The following KIAA1671 variants were observed in gnomAD, a reference collection of about 807,000 sequenced individuals.
KIAA1671 encodes the protein KIAA1671.
Under a neutral mutation model 131.2 loss-of-function variants are expected in KIAA1671, and 52 were observed. That is an observed-to-expected ratio of 0.40 (90% CI 0.32 to 0.50). The LOEUF is 0.50. Among genes scored for constraint, KIAA1671 ranks in the 20% least tolerant of loss-of-function variants. The pLI is 0.73. For synonymous variants in KIAA1671, 1,003 were observed against 961.6 expected, an observed-to-expected ratio of 1.04 and a Z score of -0.80; for missense variants, 2,360 against 2,364.2, an observed-to-expected ratio of 1.00 and a Z score of 0.04.
chr22:25,028,337 T>C lies in KIAA1671; in HGVS notation c.338T>C (p.Leu113Ser). The change falls in exon 3 of 13, where the codon TTG becomes TCG. Residue 113 changes from leucine (L) to serine (S), a missense_variant. By Grantham distance (145) the Leu-to-Ser change is moderately radical. Coordinates refer to ENST00000358431, the MANE Select transcript of KIAA1671 (RefSeq NM_001145206.2). ...AKDLDNRMPGLVGQEVGSGEG... is the reference protein window; with the variant it reads ...AKDLDNRMPGSVGQEVGSGEG... ...GATCTGGACAACAGGATGCCCGGCT[T>C]GGTGGGGCAGGAGGTGGGCAGTGGG... The C allele has an allele frequency of 6.4e-7, 1 of 1,550,822 alleles. No individual in the cohort carries two copies.
intron 6 of KIAA1671, among the ~76,000 whole-genome samples, chr22:25,135,641 C>G (rs1035249942): frequency 6.6e-6 from 1 of 152,130 alleles, no homozygotes; most frequent in Non-Finnish European, 1.5e-5. Flanking sequence ...GAAATATGAC[C>G]TTTTAGATGT....
At position 25,027,960 on chromosome 22, in the gene KIAA1671, T is replaced by A. The variant is rs1926041416; in HGVS notation, c.-40T>A. On this transcript the variant is annotated 5_prime_UTR_variant, in exon 3 of 13. Coordinates refer to ENST00000358431, the MANE Select transcript of KIAA1671 (RefSeq NM_001145206.2). ...GTTTGTTTAGCAATTGCTTCTCCAT[T>A]CTTGAAGTTCCTAACCCCCATGAAT... The A allele has an allele frequency of 1.4e-6, 2 of 1,398,726 alleles. No individual in the cohort carries two copies. Among genetic ancestry groups the A allele is most frequent in the Admixed American group, 2.9e-5 (1 of 34,456 alleles). The allele number at this position is 1,398,726 out of a possible 1,614,324, so 86.6% of individuals were successfully genotyped here.
At chr22:25,038,581 G>C (rs917464014) in intron 4 of KIAA1671, among the ~76,000 whole-genome samples, 179 bp from the exon 5 acceptor site, 3 of 152,234 alleles carry the variant, frequency 2.0e-5, no homozygotes, top group Admixed American at 2.0e-4. Context: ...CTCTCCAACA[G>C]TATCTGAGTG....
Position 24,996,623 on chromosome 22 carries a change from AG to A in KIAA1671, c.-207-29006del, listed in dbSNP as rs1292494449. On this transcript the variant is annotated intron_variant, in intron 1 of 12. Coordinates refer to ENST00000358431, the MANE Select transcript of KIAA1671 (RefSeq NM_001145206.2). ...GGGAGACAGGATAATAGGGCAGGGG[AG>A]GGGACATTTGGCCTCAGTCTGATCC... Among the ~76,000 whole-genome samples the A allele has an allele frequency of 3.3e-5, 5 of 151,906 alleles. No individual in the cohort carries two copies. In the East Asian group the frequency reaches 9.7e-4, roughly 30 times the overall value.
intron 6 of KIAA1671, chr22:25,070,457 C>T (rs768926737): frequency 1.2e-5 from 5 of 431,580 alleles, no homozygotes; most frequent in African/African-American, 2.0e-5. Context: ...GACGGGGTCA[C>T]GTCCTTTCCC....
At chr22:25,078,256 G>C (rs1180547440) in intron 6 of KIAA1671, among the ~76,000 whole-genome samples, 2 of 152,246 alleles carry the variant, frequency 1.3e-5, no homozygotes, top group Admixed American at 1.3e-4. Context: ...CAGGTGCAGT[G>C]GTTCACGCCT....
rs6004448 is a variant in KIAA1671, at chr22:25,149,992, C to T, written c.4531-20828C>T. 5.5e-3 allele frequency among the ~76,000 whole-genome samples: 832 copies of T among 152,266 alleles called. 6 individuals are homozygous for T. The highest frequency in any genetic ancestry group is 0.018 in the African/African-American group (755 of 41,554). ...CTCCAGCCTCGGCCTTTGCGCTTCCCGTGCCTGGTTGAAATGGTCGGCTTT... is the reference window on the plus strand; with the variant it reads ...CTCCAGCCTCGGCCTTTGCGCTTCCTGTGCCTGGTTGAAATGGTCGGCTTT... On this transcript the variant is annotated intron_variant, in intron 6 of 12. Coordinates refer to ENST00000358431, the MANE Select transcript of KIAA1671 (RefSeq NM_001145206.2).
chr22:25,178,723 G>T (rs1171194447), intron 9 of KIAA1671, among the ~76,000 whole-genome samples: 1 of 152,128 alleles, frequency 6.6e-6, no homozygotes, highest in Non-Finnish European at 1.5e-5. Context: ...TCCACCTCAG[G>T]CCGGGTGGTC....
At chr22:25,171,701 A>G (rs1282165068) in intron 7 of KIAA1671, among the ~76,000 whole-genome samples, 1 of 152,094 alleles carries the variant, frequency 6.6e-6, no homozygotes, top group Non-Finnish European at 1.5e-5. Context: ...CCTGGGCGAC[A>G]GAGAGAGACA....
At chr22:25,164,978 C>CGTGTGTGTGTGTGTGTGT (rs59765745) in intron 6 of KIAA1671, among the ~76,000 whole-genome samples, 9 of 116,606 alleles carry the variant, frequency 7.7e-5, no homozygotes, top group African/African-American at 2.3e-4. Flanking sequence ...GAGTTGCAGG[C>CGTGTGTGTGTGTGTGTGT]GTGTGTGTGT....
At chr22:25,114,549 T>G (rs1282917809) in intron 6 of KIAA1671, among the ~76,000 whole-genome samples, 1 of 152,236 alleles carries the variant, frequency 6.6e-6, no homozygotes, top group Non-Finnish European at 1.5e-5. Flanking sequence ...GCTTCCCAGC[T>G]GTGTGATCTT....
At chr22:25,167,810 A>C (rs1267797720) in intron 6 of KIAA1671, among the ~76,000 whole-genome samples, 5 of 152,200 alleles carry the variant, frequency 3.3e-5, no homozygotes, top group Non-Finnish European at 1.5e-5. Flanking sequence ...TCCCACGAAC[A>C]TCATGGGGTA....
intron 1 of KIAA1671, among the ~76,000 whole-genome samples, chr22:24,953,143 TC>T (rs1921498501): frequency 6.6e-6 from 1 of 151,400 alleles, no homozygotes; most frequent in African/African-American, 2.4e-5. Flanking sequence ...TCCCACTGGA[TC>T]CCCAGTCAGG....
At chr22:25,003,831 A>ATT (rs200843388) in intron 1 of KIAA1671, among the ~76,000 whole-genome samples, 4 of 142,464 alleles carry the variant, frequency 2.8e-5, no homozygotes, top group Admixed American at 7.1e-5. Flanking sequence ...AGAAAATAGG[A>ATT]TTTTTTTTTT....
At chr22:25,078,314 C>G (rs1382031894) in intron 6 of KIAA1671, among the ~76,000 whole-genome samples, 1 of 152,174 alleles carries the variant, frequency 6.6e-6, no homozygotes, top group Non-Finnish European at 1.5e-5. Context: ...TGCTTGAGCC[C>G]AGGAATTTGA....
At chr22:25,070,332 A>T in intron 6 of KIAA1671, 1 of 435,694 alleles carries the variant, frequency 2.3e-6, no homozygotes, top group South Asian at 7.6e-5. Context: ...TGGAAACCGT[A>T]CTGTGCTCAC....
At chr22:24,964,391 C>G (rs1922184091) in intron 1 of KIAA1671, among the ~76,000 whole-genome samples, 1 of 151,908 alleles carries the variant, frequency 6.6e-6, no homozygotes, top group Admixed American at 6.6e-5. Context: ...TTAACTCTGT[C>G]CTAGGCTCTG....
rs920374322 is a variant in KIAA1671 at position 25,099,269 on chromosome 22, A to G, written c.4530+49905A>G. 1.3e-3 allele frequency among the ~76,000 whole-genome samples: 193 copies of G among 152,272 alleles called. 10 individuals carry two copies. Among genetic ancestry groups the G allele is most frequent in the Non-Finnish European group, 5.6e-4 (38 of 68,026 alleles). On this transcript the variant is annotated intron_variant, in intron 6 of 12. Transcript: ENST00000358431. ...GGGTACCGTTTTTCTCCCCTTTTAA[A>G]GGCAGAGAAGGTGAGGCTCAGAGAA...
intron 6 of KIAA1671, 91 bp from the exon 7 acceptor site, chr22:25,170,729 G>A: frequency 4.7e-6 from 6 of 1,283,846 alleles, no homozygotes; most frequent in Non-Finnish European, 6.6e-6. Context: ...GTTTGAGCTG[G>A]GGGCCATGCG....
Sources: allele counts gnomAD v4.1 joint callset (sites outside exome capture counted in the v4.1 genomes callset), GRCh38; gene constraint gnomAD v4.1.1; transcripts MANE v1.5; gene names NCBI Gene and HGNC (gene_info 2026-07-23, HGNC 2026-07-21).